The following PCDHA2 variants were observed in gnomAD, a reference collection of about 807,000 sequenced individuals.
The protein encoded by PCDHA2 is protocadherin alpha-2.
A neutral mutation model predicts 66.0 loss-of-function variants in PCDHA2; 58 were observed. That is an observed-to-expected ratio of 0.88 (90% CI 0.71 to 1.09). PCDHA2 has a LOEUF of 1.09. Ranked by LOEUF, PCDHA2 falls within the 50% of genes least tolerant of loss-of-function variation. The pLI, the probability that PCDHA2 is intolerant of heterozygous loss-of-function variation, is 0.00. For missense variants in PCDHA2, 1,267 were observed against 1,242.3 expected, an observed-to-expected ratio of 1.02 and a Z score of -0.30; for synonymous variants, 634 against 554.0, an observed-to-expected ratio of 1.14 and a Z score of -2.03.
At chr5:140,810,721 G>T (rs1764719603) in intron 1 of PCDHA2, 3 of 150,392 alleles carry the variant, frequency 2.0e-5, no homozygotes, top group South Asian at 2.1e-4. Flanking sequence ...TCCTTATCTT[G>T]TTTTTCTTAT....
chr5:140,803,313 G>A (rs1421917213), intron 1 of PCDHA2: 2 of 1,614,024 alleles, frequency 1.2e-6, no homozygotes, highest in Non-Finnish European at 8.5e-7. Context: ...CGCCATCTGC[G>A]CGGTGTCCAG....
chr5:140,809,172 C>A (rs782188990), intron 1 of PCDHA2: 1 of 1,613,882 alleles, frequency 6.2e-7, no homozygotes, highest in East Asian at 2.2e-5. Flanking sequence ...CTGACGGCCA[C>A]GGCCACTGTG....
chr5:140,959,118 C>T (rs781848896), intron 1 of PCDHA2, among the ~76,000 whole-genome samples: 8 of 151,838 alleles, frequency 5.3e-5, no homozygotes, highest in Non-Finnish European at 1.0e-4. Context: ...CGAAGGTGGG[C>T]GAGGTGAGCC....
At chr5:140,975,795 CT>C (rs1219508800) in intron 1 of PCDHA2, among the ~76,000 whole-genome samples, 2 of 151,168 alleles carry the variant, frequency 1.3e-5, no homozygotes, top group Non-Finnish European at 1.5e-5. Flanking sequence ...TAAATTAAAT[CT>C]TTTTTATAAT....
intron 1 of PCDHA2, among the ~76,000 whole-genome samples, chr5:140,973,570 T>C (rs1211629419): frequency 6.6e-6 from 1 of 152,232 alleles, no homozygotes; most frequent in Non-Finnish European, 1.5e-5. Flanking sequence ...CCTCAATTTT[T>C]CTACAGACTG....
chr5:140,944,807 A>T (rs1472832230), intron 1 of PCDHA2, among the ~76,000 whole-genome samples: 1 of 152,214 alleles, frequency 6.6e-6, no homozygotes, highest in Non-Finnish European at 1.5e-5. Context: ...TCGAGGGTCC[A>T]CAGTGATCTT....
At chr5:140,962,280 A>C (rs1244354033) in intron 1 of PCDHA2, among the ~76,000 whole-genome samples, 1 of 152,224 alleles carries the variant, frequency 6.6e-6, no homozygotes, top group Non-Finnish European at 1.5e-5. Flanking sequence ...AAAAAACCTC[A>C]ACCTTTAATA....
At chr5:140,868,066 G>A (rs2050262102) in intron 1 of PCDHA2, 1 of 151,806 alleles carries the variant, frequency 6.6e-6, no homozygotes. Context: ...AGATGTTCAG[G>A]GTGATTTTAT....
At chr5:140,944,694 T>C (rs2093685448) in intron 1 of PCDHA2, among the ~76,000 whole-genome samples, 1 of 152,190 alleles carries the variant, frequency 6.6e-6, no homozygotes, top group African/African-American at 2.4e-5. Context: ...TTAATAACAG[T>C]AATTATCAGG....
intron 1 of PCDHA2, among the ~76,000 whole-genome samples, chr5:140,942,621 A>T (rs1038877515): frequency 1.5e-3 from 44 of 29,368 alleles, no homozygotes; most frequent in African/African-American, 6.9e-3. Flanking sequence ...GCCAATTGTA[A>T]AAAAAAAAAT....
intron 1 of PCDHA2, among the ~76,000 whole-genome samples, chr5:140,925,464 A>G (rs1181531744): frequency 6.6e-6 from 1 of 152,114 alleles, no homozygotes; most frequent in Non-Finnish European, 1.5e-5. Flanking sequence ...GTTGTGGCTC[A>G]GAGATGTTTC....
At chr5:140,858,256 G>T in intron 1 of PCDHA2, 1 of 1,596,658 alleles carries the variant, frequency 6.3e-7, no homozygotes. Flanking sequence ...TGAAGCCCAC[G>T]CTGGTGTGCT....
chr5:140,850,107 C>A lies in PCDHA2; in HGVS notation c.2388+52755C>A, dbSNP rs2150467518. ...GCTGCTACAGTTCCAGGTGAGCGCG[C>A]GCGACGCGGGCGTGCCGCCTCTGGG... On this transcript the variant is annotated intron_variant, in intron 1 of 3. Coordinates refer to ENST00000526136, the MANE Select transcript of PCDHA2 (RefSeq NM_018905.3). 6.9e-6 allele frequency: 11 copies of A among 1,596,052 alleles called. 2 individuals carry two copies. In the Admixed American group the frequency reaches 1.0e-4, roughly 15 times the overall value.
At chr5:140,859,846 T>C (rs1156718746) in intron 1 of PCDHA2, 1 of 152,114 alleles carries the variant, frequency 6.6e-6, no homozygotes. Context: ...TTTTATCAAA[T>C]AGGTTTATGA....
At chr5:140,813,383 C>T (rs1488394343) in intron 1 of PCDHA2, 1 of 152,164 alleles carries the variant, frequency 6.6e-6, no homozygotes, top group African/African-American at 2.4e-5. Context: ...GTTACATGAT[C>T]TATTGCTTCT....
chr5:140,877,228 G>A, intron 1 of PCDHA2: 2 of 1,613,700 alleles, frequency 1.2e-6, no homozygotes, highest in Non-Finnish European at 1.7e-6. Context: ...GCGGTCGGTG[G>A]GTGCGGGCCA....
chr5:140,929,697 T>G (rs2086305900), intron 1 of PCDHA2: 1 of 266,272 alleles, frequency 3.8e-6, no homozygotes, highest in African/African-American at 2.2e-5. Flanking sequence ...CTGCTTTATA[T>G]GAATATAATA....
chr5:140,801,449 G>A, intron 1 of PCDHA2: 2 of 1,614,004 alleles, frequency 1.2e-6, no homozygotes, highest in South Asian at 1.1e-5. Flanking sequence ...ATGGCATTTT[G>A]TTTGTGAATT....
chr5:140,950,741 C>G (rs149114023), intron 1 of PCDHA2, among the ~76,000 whole-genome samples: 2,002 of 152,118 alleles, frequency 0.013, 30 homozygotes, highest in South Asian at 0.028. Context: ...ATCCTAATTT[C>G]TCTCTATCCT....
Sources: gnomAD v4.1 joint callset for allele counts (sites outside exome capture counted in the v4.1 genomes callset) on GRCh38, gnomAD v4.1.1 for gene constraint, MANE v1.5 for transcripts, NCBI Gene and HGNC (gene_info 2026-07-23, HGNC 2026-07-21) for gene names.